Variants in PCDH17 observed in about 807,000 individuals in gnomAD.
PCDH17 encodes the protein protocadherin 17.
PCDH17 carries 21 observed loss-of-function variants against 67.7 expected under a neutral mutation model. That is an observed-to-expected ratio of 0.31 (90% CI 0.22 to 0.45). The LOEUF (loss-of-function observed/expected upper bound fraction) is 0.45. Ranked by LOEUF, PCDH17 falls within the 20% of genes least tolerant of loss-of-function variation. The pLI is 1.00. For synonymous variants in PCDH17, 701 were observed against 656.7 expected, an observed-to-expected ratio of 1.07 and a Z score of -1.03; for missense variants, 1,471 against 1,564.8, an observed-to-expected ratio of 0.94 and a Z score of 1.01.
intron 3 of PCDH17, among the ~76,000 whole-genome samples, chr13:57,669,859 AGAGT>A (rs1248749157): frequency 6.6e-6 from 1 of 152,044 alleles, no homozygotes. Context: ...AATAAACATC[AGAGT>A]AAGTAAAAAC....
intron 1 of PCDH17, among the ~76,000 whole-genome samples, chr13:57,647,892 C>T (rs542948935): frequency 1.3e-5 from 2 of 151,978 alleles, no homozygotes; most frequent in African/African-American, 4.8e-5. Context: ...CTTGGTAAAT[C>T]TTCTTTCCAT....
chr13:57,695,229 A>C (rs190224057), intron 3 of PCDH17, among the ~76,000 whole-genome samples: 1 of 151,416 alleles, frequency 6.6e-6, no homozygotes, highest in African/African-American at 2.4e-5. Context: ...ATAAAACAAA[A>C]GCTTCAAGTA....
chr13:57,635,258 T>C, intron 1 of PCDH17, 147 bp downstream of exon 1: 1 of 723,488 alleles, frequency 1.4e-6, no homozygotes, highest in Non-Finnish European at 2.2e-6. Flanking sequence ...TTTGACACTG[T>C]GTATACATCA....
At chr13:57,719,926 G>A (rs1327331953) in intron 3 of PCDH17, among the ~76,000 whole-genome samples, 1 of 151,646 alleles carries the variant, frequency 6.6e-6, no homozygotes, top group Non-Finnish European at 1.5e-5. Flanking sequence ...GATAATTTTG[G>A]GCATCATTGA....
Position 57,726,464 on chromosome 13 carries a change from G to C in PCDH17, c.*1170G>C, listed in dbSNP as rs531459540. On this transcript the variant is annotated 3_prime_UTR_variant, in exon 4 of 4. Transcript: ENST00000377918. The stretch of plus-strand genomic sequence containing the variant: ...GGCAAGTGTTGCCTTGGTAGCTGTC[G>C]AACTCTATGAGTTTTGTTTTTTCCT... 2.6e-5 allele frequency: 4 copies of C among 152,594 alleles called. No homozygotes were observed. Among genetic ancestry groups the C allele is most frequent in the Non-Finnish European group, 5.9e-5 (4 of 68,022 alleles). The allele number at this position is 152,594 out of a possible 1,614,324, so 9.5% of individuals were successfully genotyped here.
At chr13:57,661,121 A>C (rs1263517287) in intron 1 of PCDH17, among the ~76,000 whole-genome samples, 1 of 152,172 alleles carries the variant, frequency 6.6e-6, no homozygotes, top group Non-Finnish European at 1.5e-5. Context: ...ATTTTCACCT[A>C]AATTTATGAG....
intron 1 of PCDH17, among the ~76,000 whole-genome samples, chr13:57,636,295 G>C (rs141308351): frequency 4.7e-4 from 72 of 152,312 alleles, no homozygotes; most frequent in African/African-American, 1.7e-3. Context: ...GACACCGCAA[G>C]AGGAAGATTA....
At chr13:57,665,171 G>GT (rs1955234209) in intron 1 of PCDH17, among the ~76,000 whole-genome samples, 2 of 125,312 alleles carry the variant, frequency 1.6e-5, no homozygotes, top group African/African-American at 7.8e-5. Flanking sequence ...TAAGAAATTT[G>GT]TGGGGGGGGT....
At chr13:57,649,288 A>T (rs1955007096) in intron 1 of PCDH17, among the ~76,000 whole-genome samples, 1 of 152,166 alleles carries the variant, frequency 6.6e-6, no homozygotes, top group Non-Finnish European at 1.5e-5. Context: ...CATTAAATCA[A>T]CAAGGAAATG....
chr13:57,713,926 C>T (rs1955798082), intron 3 of PCDH17, among the ~76,000 whole-genome samples: 1 of 151,472 alleles, frequency 6.6e-6, no homozygotes, highest in Admixed American at 6.6e-5. Context: ...TTTGAAAATA[C>T]TTGTCTGAGC....
At chr13:57,678,569 C>T (rs1362174678) in intron 3 of PCDH17, among the ~76,000 whole-genome samples, 1 of 151,584 alleles carries the variant, frequency 6.6e-6, no homozygotes, top group African/African-American at 2.4e-5. Flanking sequence ...TAATAGGTGG[C>T]TCTAATCTTT....
chr13:57,634,259 G>T lies in PCDH17; in HGVS notation c.1713G>T (p.Val571=). The stretch of plus-strand genomic sequence containing the variant: ...TGGAGAGCAACGCCACGGTGAGGGT[G>T]ACAGTGCTAGACGTGAATGACAACG... The part of the protein sequence containing the change: ...AHLESNATVR[V]TVLDVNDNAP... Residue 571 remains valine (V), a synonymous_variant, in exon 1 of 4, where the codon GTG becomes GTT. Transcript: ENST00000377918. The surrounding 1 kb of genome is among the most constrained non-coding windows in gnomAD (Gnocchi z 7.8). 1.2e-6 allele frequency: 2 copies of T among 1,613,232 alleles called. No individual in the cohort carries two copies. Among genetic ancestry groups the T allele is most frequent in the Non-Finnish European group, 1.7e-6 (2 of 1,180,028 alleles).
chr13:57,690,085 T>A (rs950984061), intron 3 of PCDH17, among the ~76,000 whole-genome samples: 4 of 151,720 alleles, frequency 2.6e-5, no homozygotes, highest in Non-Finnish European at 5.9e-5. Context: ...TTCAGAATCT[T>A]CACATAACCA....
rs1376195842 is a variant in PCDH17, at chr13:57,634,673, C to A, written c.2127C>A (p.Ile709=). ...QHHWDMSLPL[I]VTLSTISIIL... ...ACTGGGACATGTCGCTGCCGCTCATCGTGACTCTGAGCACTATCTCCATCA... is the reference window on the plus strand; with the variant it reads ...ACTGGGACATGTCGCTGCCGCTCATAGTGACTCTGAGCACTATCTCCATCA... Residue 709 remains isoleucine (I), a synonymous_variant, in exon 1 of 4, where the codon ATC becomes ATA. Coordinates refer to ENST00000377918, the MANE Select transcript of PCDH17 (RefSeq NM_001040429.3). This position sits in a 1 kb window ranked among gnomAD's most constrained non-coding sequence, Gnocchi z 7.8. 6.2e-7 allele frequency: 1 copy of A among 1,613,664 alleles called. No individual in the cohort carries two copies. The highest frequency in any genetic ancestry group is 1.1e-5 in the South Asian group (1 of 91,074).
At chr13:57,669,539 CTA>C (rs1955295761) in intron 3 of PCDH17, among the ~76,000 whole-genome samples, 1 of 151,994 alleles carries the variant, frequency 6.6e-6, no homozygotes, top group Admixed American at 6.6e-5. Context: ...TTTCAACTAT[CTA>C]TGTTTGTATC....
intron 1 of PCDH17, among the ~76,000 whole-genome samples, chr13:57,665,500 T>C (rs1280621841): frequency 6.6e-6 from 1 of 152,162 alleles, no homozygotes; most frequent in East Asian, 1.9e-4. Context: ...GTGTCACTGA[T>C]ACTTGTGTGC....
intron 3 of PCDH17, among the ~76,000 whole-genome samples, chr13:57,724,186 G>A (rs1955893711): frequency 6.6e-6 from 1 of 152,134 alleles, no homozygotes; most frequent in African/African-American, 2.4e-5. Flanking sequence ...CTTAGAACTT[G>A]TTATGGAAGT....
At chr13:57,670,394 C>T (rs1345111822) in intron 3 of PCDH17, among the ~76,000 whole-genome samples, 2 of 151,388 alleles carry the variant, frequency 1.3e-5, no homozygotes, top group African/African-American at 4.8e-5. Context: ...TTCAAAATTA[C>T]CCTAAAAAAC....
At chr13:57,722,907 C>A (rs1955883213) in intron 3 of PCDH17, among the ~76,000 whole-genome samples, 1 of 152,080 alleles carries the variant, frequency 6.6e-6, no homozygotes, top group Non-Finnish European at 1.5e-5. Context: ...CTATACCTGG[C>A]CAATATTGAA....
Sources: gnomAD v4.1 joint callset for allele counts (sites outside exome capture counted in the v4.1 genomes callset) on GRCh38, gnomAD v4.1.1 for gene constraint, Gnocchi (gnomAD v3.1) non-coding constraint, MANE v1.5 for transcripts, NCBI Gene and HGNC (gene_info 2026-07-23, HGNC 2026-07-21) for gene names.